Variants in PLEKHG7 observed in about 807,000 individuals in gnomAD.
The protein encoded by PLEKHG7 is pleckstrin homology and RhoGEF domain containing G7.
Under a neutral mutation model 85.2 loss-of-function variants are expected in PLEKHG7, and 77 were observed. That is an observed-to-expected ratio of 0.90 (90% CI 0.75 to 1.09). PLEKHG7 has a LOEUF of 1.09. Among genes scored for constraint, PLEKHG7 ranks in the 50% least tolerant of loss-of-function variants. The pLI is 0.00. For synonymous variants in PLEKHG7, 301 were observed against 302.4 expected, an observed-to-expected ratio of 1.00 and a Z score of 0.05; for missense variants, 777 against 804.3, an observed-to-expected ratio of 0.97 and a Z score of 0.41.
rs753310619 is a variant in PLEKHG7, at chr12:92,755,944, C to CA, written c.1542+14dup. 3,631 of 1,396,766 alleles carry CA rather than the reference C, an allele frequency of 2.6e-3. 1 individual carries two copies. Among genetic ancestry groups the CA allele is most frequent in the Non-Finnish European group, 3.0e-3 (3,041 of 1,030,648 alleles). 86.5% of individuals were successfully genotyped at this position (1,396,766 alleles called of 1,614,324 possible). A position where few individuals can be genotyped will look rare whatever the true frequency, so the allele number is the denominator to read the frequency against. ...TAAAAGGTTTTTCATTCCAGAGGTA[C>CA]AAAAAAAAAATCAATTAGGACTTAT... is the stretch of plus-strand genomic sequence containing the variant. On this transcript the variant is annotated splice_donor_region_variant and intron_variant, in intron 12 of 16. Transcript: ENST00000344636.
At chr12:92,749,830 C>G (rs1056564478) in intron 10 of PLEKHG7, 5 of 151,134 alleles carry the variant, frequency 3.3e-5, no homozygotes, top group Non-Finnish European at 5.9e-5. Flanking sequence ...AATGCTGCAT[C>G]CCACTAAGAC....
Position 92,733,932 on chromosome 12 carries a change from G to A in PLEKHG7, c.699+1659G>A, listed in dbSNP as rs570176330. Among the ~76,000 whole-genome samples, 5 of 152,360 alleles carry A rather than the reference G, an allele frequency of 3.3e-5. No homozygotes were observed. In the South Asian group the frequency reaches 1.0e-3, roughly 32 times the overall value. On this transcript the variant is annotated intron_variant, in intron 5 of 16. Transcript: ENST00000344636. The stretch of plus-strand genomic sequence containing the variant: ...AGCTCACAATTGAGAAGATGGGACT[G>A]ACAAGTAAACTGTGGGTGGCGGAGG...
At chr12:92,755,161 G>A (rs918820631) in intron 11 of PLEKHG7, among the ~76,000 whole-genome samples, 1 of 152,166 alleles carries the variant, frequency 6.6e-6, no homozygotes, top group Non-Finnish European at 1.5e-5. Context: ...AGCACCTCTG[G>A]AGATTTCTCA....
chr12:92,757,073 CTT>C (rs1270086161), intron 13 of PLEKHG7, among the ~76,000 whole-genome samples: 14 of 152,296 alleles, frequency 9.2e-5, no homozygotes, highest in African/African-American at 2.6e-4. Context: ...CCTGGAGAAA[CTT>C]AGTTTCTAGC....
intron 3 of PLEKHG7, among the ~76,000 whole-genome samples, chr12:92,713,873 C>T (rs1236272287): frequency 6.6e-6 from 1 of 152,096 alleles, no homozygotes; most frequent in Non-Finnish European, 1.5e-5. Flanking sequence ...TTTAACTCCC[C>T]AAGCTGAGAC....
chr12:92,753,575 T>C lies in PLEKHG7; in HGVS notation c.1252-515T>C, dbSNP rs113988671. On this transcript the variant is annotated intron_variant, in intron 10 of 16. Transcript: ENST00000344636. ...TGTCCGCATCTCTACCTCTCTCCTCTCCTCTCTTTGTTCTAGATCAACTGA... is the reference window on the plus strand; with the variant it reads ...TGTCCGCATCTCTACCTCTCTCCTCCCCTCTCTTTGTTCTAGATCAACTGA... Among the ~76,000 whole-genome samples the C allele has an allele frequency of 2.2e-3, 330 of 152,300 alleles. 2 individuals carry two copies. The highest frequency in any genetic ancestry group is 7.6e-3 in the African/African-American group (314 of 41,574).
Position 92,706,778 on chromosome 12 carries a change from C to G in PLEKHG7, c.147C>G (p.Pro49=), listed in dbSNP as rs761431939. 2 of 1,614,042 alleles carry G rather than the reference C, an allele frequency of 1.2e-6. No homozygotes were observed. The highest frequency in any genetic ancestry group is 2.2e-5 in the South Asian group (2 of 91,080). ...CCCCAGGCCGCATCTCCACCTCGCC[C>G]ACTTTGAGGAGATTAAGGACCCGTG... The part of the protein sequence containing the change: ...RQAPGRISTS[P]TLRRLRTRGC... Residue 49 remains proline, a synonymous_variant, in exon 2 of 17, where the codon CCC becomes CCG. Coordinates refer to ENST00000344636, the MANE Select transcript of PLEKHG7 (RefSeq NM_001377329.1).
intron 3 of PLEKHG7, among the ~76,000 whole-genome samples, chr12:92,723,994 A>C (rs997831733): frequency 6.6e-6 from 1 of 152,150 alleles, no homozygotes; most frequent in Non-Finnish European, 1.5e-5. Context: ...TACATTTCTC[A>C]TTCAAATTAT....
At chr12:92,743,685 G>A (rs767706366) in intron 9 of PLEKHG7, among the ~76,000 whole-genome samples, 16 of 152,062 alleles carry the variant, frequency 1.1e-4, no homozygotes, top group Non-Finnish European at 1.3e-4. Flanking sequence ...TCAGCCCCCC[G>A]AGTAGCTGGG....
At chr12:92,764,775 A>G (rs1305604078) in intron 15 of PLEKHG7, among the ~76,000 whole-genome samples, 1 of 152,176 alleles carries the variant, frequency 6.6e-6, no homozygotes, top group East Asian at 1.9e-4. Context: ...CCAGGAACTC[A>G]GCAGGCCCTA....
rs144103200 is a variant in PLEKHG7, at chr12:92,761,781, T to C, written c.1666T>C (p.Phe556Leu). The C allele has an allele frequency of 8.2e-6, 13 of 1,577,716 alleles. No individual in the cohort carries two copies. Among genetic ancestry groups the C allele is most frequent in the Non-Finnish European group, 1.1e-5 (13 of 1,167,664 alleles). The change falls in exon 14 of 17, where the codon TTT (phenylalanine) becomes CTT (leucine). Residue 556 changes from phenylalanine (F) to leucine (L), a missense_variant. Phe to Leu is a conservative substitution (Grantham distance 22). Transcript: ENST00000344636. ...ESTRFLDVYL[F>L]LFNDFLLVTK... is the part of the protein sequence containing the mutation. ...CACGAGATTCCTAGATGTTTATCTGTTTCTCTTCAATGATTTCCTCTTAGT... is the reference window on the plus strand; with the variant it reads ...CACGAGATTCCTAGATGTTTATCTGCTTCTCTTCAATGATTTCCTCTTAGT...
chr12:92,734,720 T>C (rs1389134638), intron 5 of PLEKHG7, among the ~76,000 whole-genome samples: 1 of 152,200 alleles, frequency 6.6e-6, no homozygotes, highest in East Asian at 1.9e-4. Flanking sequence ...CTTTTCTCAT[T>C]GATTTGTCAA....
At chr12:92,756,169 C>T in intron 12 of PLEKHG7, 129 bp from the exon 13 acceptor site, 1 of 745,812 alleles carries the variant, frequency 1.3e-6, no homozygotes, top group Non-Finnish European at 2.2e-6. Context: ...TTTCCCATTC[C>T]CATGTCCATC....
chr12:92,737,459 G>C lies in PLEKHG7; in HGVS notation c.877G>C (p.Val293Leu), dbSNP rs368968073. 5 of 1,592,556 alleles carry C rather than the reference G, an allele frequency of 3.1e-6. No homozygotes were observed. In the African/African-American group the frequency reaches 4.1e-5, roughly 13 times the overall value. ...QLDLKKQQEA[V>L]WELFTSECTY... ...AGACCTGAAAAAGCAGCAAGAGGCC[G>C]TGTGGGAACTTTTCACAAGTGAATG... Residue 293 changes from valine (V) to leucine (L), a missense_variant, in exon 7 of 17, where the codon GTG becomes CTG. By Grantham distance (32) the Val-to-Leu change is conservative. Around this residue, in one of 3 missense-constraint regions of PLEKHG7, gnomAD observed 520 missense variants for 544.0 expected, o/e 0.96. Coordinates refer to ENST00000344636, the MANE Select transcript of PLEKHG7 (RefSeq NM_001377329.1).
chr12:92,712,131 G>A (rs919840174), intron 3 of PLEKHG7, among the ~76,000 whole-genome samples: 2 of 152,160 alleles, frequency 1.3e-5, no homozygotes, highest in Non-Finnish European at 2.9e-5. Flanking sequence ...TCACCAATAA[G>A]TCCAATGTAT....
At chr12:92,757,378 G>A (rs1373611253) in intron 13 of PLEKHG7, among the ~76,000 whole-genome samples, 2 of 152,160 alleles carry the variant, frequency 1.3e-5, no homozygotes, top group African/African-American at 4.8e-5. Context: ...GGCACTTACT[G>A]AGTGTGAAGT....
chr12:92,769,200 C>A, intron 16 of PLEKHG7, 120 bp downstream of exon 16: 1 of 703,240 alleles, frequency 1.4e-6, no homozygotes, highest in Non-Finnish European at 2.3e-6. Flanking sequence ...TTGGGAAGGG[C>A]AGATTTGGGA....
chr12:92,725,657 TG>T (rs1202285864), intron 3 of PLEKHG7, among the ~76,000 whole-genome samples: 1 of 152,186 alleles, frequency 6.6e-6, no homozygotes, highest in Non-Finnish European at 1.5e-5. Flanking sequence ...ACTCTGTATC[TG>T]AACAGTCTGA....
intron 13 of PLEKHG7, 82 bp from the exon 14 acceptor site, chr12:92,761,670 G>GAA (rs762766578): frequency 3.9e-6 from 5 of 1,278,676 alleles, no homozygotes; most frequent in Non-Finnish European, 5.1e-6. Flanking sequence ...AAGAAAGAAA[G>GAA]AAAGAAAGAA....
Sources: allele counts gnomAD v4.1 joint callset (sites outside exome capture counted in the v4.1 genomes callset), GRCh38; gene constraint gnomAD v4.1.1; regional missense constraint gnomAD v4.1.1; transcripts MANE v1.5; gene names NCBI Gene and HGNC (gene_info 2026-07-23, HGNC 2026-07-21).